AGPAT4: variants seen among roughly 807,000 people sequenced by gnomAD.
The protein encoded by AGPAT4 is 1-acyl-sn-glycerol-3-phosphate acyltransferase delta.
A neutral mutation model predicts 48.0 loss-of-function variants in AGPAT4; 15 were observed. The observed-to-expected ratio is 0.31, with a 90% CI of 0.21 to 0.48. The LOEUF is 0.48. Ranked by LOEUF, AGPAT4 falls within the 20% of genes least tolerant of loss-of-function variation. The probability of loss-of-function intolerance (pLI) is 0.99; values close to 1 mark genes in which losing one functional copy is unlikely to be tolerated. For missense variants in AGPAT4, 314 were observed against 482.5 expected (o/e 0.65, Z 3.27); for synonymous variants, 178 against 198.7 (o/e 0.90, Z 0.88).
rs1217318312 is a variant in AGPAT4, at chr6:161,272,182, G to A, written c.-90+1756C>T. Reference sequence around the variant, plus strand: ...ATAGCAGATTTGATAAGACATAGATGATAGCATATTTAGATAAGGATCACA... The same window carrying A: ...ATAGCAGATTTGATAAGACATAGATAATAGCATATTTAGATAAGGATCACA... On this transcript the variant is annotated intron_variant, in intron 1 of 8. Transcript: ENST00000320285. The surrounding 1 kb of genome is among the most constrained non-coding windows in gnomAD (Gnocchi z 4.2). Among the ~76,000 whole-genome samples, 3 of 152,186 alleles carry A rather than the reference G, an allele frequency of 2.0e-5. No homozygotes were observed. The highest frequency in any genetic ancestry group is 4.4e-5 in the Non-Finnish European group (3 of 68,030).
rs374452981 is a variant in AGPAT4 at position 161,143,859 on chromosome 6, T to C, written c.843+2665A>G. On this transcript the variant is annotated intron_variant, in intron 7 of 8. Transcript: ENST00000320285. The surrounding 1 kb of genome is among the most constrained non-coding windows in gnomAD (Gnocchi z 4.7). ...AGACCAGAATGTTGGCACACCTCTG[T>C]TGGCTGCCTGCCATTCCCCTCCCAT... 1.7e-3 allele frequency: 518 copies of C among 305,712 alleles called. 5 individuals carry two copies. Among genetic ancestry groups the C allele is most frequent in the South Asian group, 0.015 (508 of 34,566 alleles). 18.9% of individuals were successfully genotyped at this position (305,712 alleles called of 1,614,324 possible). A position where few individuals can be genotyped will look rare whatever the true frequency, so the allele number is the denominator to read the frequency against.
intron 1 of AGPAT4, among the ~76,000 whole-genome samples, chr6:161,253,416 A>G (rs4323293): frequency 0.38 from 57,641 of 149,892 alleles, 12,613 homozygotes; most frequent in African/African-American, 0.59. Context: ...CACCATGCCC[A>G]GCTAATTTTT....
chr6:161,170,392 C>T (rs1780229616), intron 2 of AGPAT4, among the ~76,000 whole-genome samples: 1 of 151,998 alleles, frequency 6.6e-6, no homozygotes, highest in Non-Finnish European at 1.5e-5. Context: ...CAAGGTTAAC[C>T]ATTATGAACA....
chr6:161,181,663 T>G (rs891616833), intron 2 of AGPAT4, among the ~76,000 whole-genome samples: 1 of 152,206 alleles, frequency 6.6e-6, no homozygotes, highest in Non-Finnish European at 1.5e-5. Flanking sequence ...CTGCAATCTC[T>G]GCAACCAGAT....
At chr6:161,237,823 C>A (rs949191869) in intron 1 of AGPAT4, among the ~76,000 whole-genome samples, 1 of 151,988 alleles carries the variant, frequency 6.6e-6, no homozygotes, top group Non-Finnish European at 1.5e-5. Flanking sequence ...TTTCCCAGCC[C>A]CCGTGAAGGT....
intron 1 of AGPAT4, among the ~76,000 whole-genome samples, chr6:161,258,903 T>C (rs966101671): frequency 6.6e-6 from 1 of 151,966 alleles, no homozygotes; most frequent in African/African-American, 2.4e-5. Flanking sequence ...TTCAAGAGAT[T>C]CTCATGCCTC....
intron 1 of AGPAT4, among the ~76,000 whole-genome samples, chr6:161,250,717 A>C (rs914671889): frequency 6.6e-6 from 1 of 152,188 alleles, no homozygotes; most frequent in Admixed American, 6.5e-5. Context: ...TTGCCAAAAT[A>C]TTTGTAGCTG....
intron 2 of AGPAT4, among the ~76,000 whole-genome samples, chr6:161,183,596 G>T (rs907278557): frequency 7.0e-6 from 1 of 143,654 alleles, no homozygotes; most frequent in Non-Finnish European, 1.5e-5. Flanking sequence ...CTCCAGCCTG[G>T]GCGACAGAGA....
In AGPAT4 at chr6:161,133,886, G is replaced by A. The variant is rs994654885; in HGVS notation, c.*2654C>T. ...GGGACAAAAAGATGGCTTAGGCTCCGTGGGTTTTCAACTCGTAGAAAAAAT... is the reference window on the plus strand; with the variant it reads ...GGGACAAAAAGATGGCTTAGGCTCCATGGGTTTTCAACTCGTAGAAAAAAT... On this transcript the variant is annotated 3_prime_UTR_variant, in exon 9 of 9. Coordinates refer to ENST00000320285, the MANE Select transcript of AGPAT4 (RefSeq NM_020133.3). The A allele has an allele frequency of 7.9e-5, 12 of 152,218 alleles. No individual in the cohort carries two copies. The highest frequency in any genetic ancestry group is 1.2e-4 in the African/African-American group (5 of 41,436). The allele number at this position is 152,218 out of a possible 1,614,324, so 9.4% of individuals were successfully genotyped here.
rs1464366232 is a variant in AGPAT4, at chr6:161,132,210, G to T, written c.*4330C>A. On this transcript the variant is annotated 3_prime_UTR_variant, in exon 9 of 9. Coordinates refer to ENST00000320285, the MANE Select transcript of AGPAT4 (RefSeq NM_020133.3). ...CATTCATCCTGGCCAAACAAAAAAAGTTCAAAAAATTGTTTTCAATTAAAT... is the reference window on the plus strand; with the variant it reads ...CATTCATCCTGGCCAAACAAAAAAATTTCAAAAAATTGTTTTCAATTAAAT... The T allele has an allele frequency of 6.6e-6, 1 of 152,138 alleles. No homozygotes were observed. 9.4% of individuals were successfully genotyped at this position (152,138 alleles called of 1,614,324 possible).
At chr6:161,247,168 G>A (rs537967670) in intron 1 of AGPAT4, among the ~76,000 whole-genome samples, 3 of 152,196 alleles carry the variant, frequency 2.0e-5, no homozygotes, top group East Asian at 1.9e-4. Flanking sequence ...CTCAGATGTC[G>A]GTTGAGGAAC....
Position 161,232,142 on chromosome 6 carries a change from T to C in AGPAT4, c.72A>G (p.Ser24=), listed in dbSNP as rs1189391483. 1.2e-6 allele frequency: 2 copies of C among 1,614,004 alleles called. No individual in the cohort carries two copies. The highest frequency in any genetic ancestry group is 1.7e-5 in the Admixed American group (1 of 59,988). The change falls in exon 2 of 9, where the codon TCA becomes TCG. Residue 24 remains serine (S), a synonymous_variant. Coordinates refer to ENST00000320285, the MANE Select transcript of AGPAT4 (RefSeq NM_020133.3). This position sits in a 1 kb window ranked among gnomAD's most constrained non-coding sequence, Gnocchi z 6.8. Reference sequence around the variant, plus strand: ...GCTGAATGGTGTTGATGATTAGCCCTGAGGCAATAAAGACGTAGCAGAAGA... The same window carrying C: ...GCTGAATGGTGTTGATGATTAGCCCCGAGGCAATAAAGACGTAGCAGAAGA... ...HLVFCYVFIA[S]GLIINTIQLF...
chr6:161,197,334 C>A lies in AGPAT4; in HGVS notation c.179-30917G>T, dbSNP rs1039093006. 6.6e-6 allele frequency among the ~76,000 whole-genome samples: 1 copy of A among 152,178 alleles called. No homozygotes were observed. Among genetic ancestry groups the A allele is most frequent in the Non-Finnish European group, 1.5e-5 (1 of 68,024 alleles). ...CCATAAAACAGTTTGGGAAATACTG[C>A]TCTAAGTGATTCTTGATGGAGTAAG... On this transcript the variant is annotated intron_variant, in intron 2 of 8. Coordinates refer to ENST00000320285, the MANE Select transcript of AGPAT4 (RefSeq NM_020133.3). This position sits in a 1 kb window ranked among gnomAD's most constrained non-coding sequence, Gnocchi z 5.7.
chr6:161,214,370 T>G lies in AGPAT4; in HGVS notation c.178+17666A>C, dbSNP rs181137775. 5.0e-4 allele frequency among the ~76,000 whole-genome samples: 76 copies of G among 152,330 alleles called. No individual in the cohort carries two copies. Among genetic ancestry groups the G allele is most frequent in the African/African-American group, 1.8e-3 (75 of 41,580 alleles). ...ATTTACTGAGGCCTGTCTCAAATTT[T>G]GGGGGTTTCAGAAGCCTGTTGCTCC... is the stretch of plus-strand genomic sequence containing the variant. On this transcript the variant is annotated intron_variant, in intron 2 of 8. Transcript: ENST00000320285. The surrounding 1 kb of genome is among the most constrained non-coding windows in gnomAD (Gnocchi z 5.4).
rs1271605241 is a variant in AGPAT4 at position 161,132,671 on chromosome 6, A to G, written c.*3869T>C. The G allele has an allele frequency of 6.6e-6, 1 of 152,292 alleles. No homozygotes were observed. The highest frequency in any genetic ancestry group is 1.5e-5 in the Non-Finnish European group (1 of 68,072). The allele number at this position is 152,292 out of a possible 1,614,324, so 9.4% of individuals were successfully genotyped here. On this transcript the variant is annotated 3_prime_UTR_variant, in exon 9 of 9. Coordinates refer to ENST00000320285, the MANE Select transcript of AGPAT4 (RefSeq NM_020133.3). ...TGGCAAAGCCAGCACATCTGTGAGCATGTTACACATGGGCTTGCCTAAGTA... is the reference window on the plus strand; with the variant it reads ...TGGCAAAGCCAGCACATCTGTGAGCGTGTTACACATGGGCTTGCCTAAGTA...
In AGPAT4 at chr6:161,198,684, A is replaced by G. The variant is rs778559086; in HGVS notation, c.179-32267T>C. 6.6e-6 allele frequency among the ~76,000 whole-genome samples: 1 copy of G among 152,148 alleles called. No homozygotes were observed. Among genetic ancestry groups the G allele is most frequent in the Non-Finnish European group, 1.5e-5 (1 of 68,036 alleles). On this transcript the variant is annotated intron_variant, in intron 2 of 8. Transcript: ENST00000320285. The surrounding 1 kb of genome is among the most constrained non-coding windows in gnomAD (Gnocchi z 4.3). ...GGTTTCCTCATCTGTCATGGTTGTT[A>G]TTAGGTTTAAATAAGCTCACATGTA...
Position 161,161,450 on chromosome 6 carries a change from G to A in AGPAT4, c.348+4798C>T. 8 of 456,718 alleles carry A rather than the reference G, an allele frequency of 1.8e-5. No homozygotes were observed. The highest frequency in any genetic ancestry group is 1.2e-4 in the South Asian group (8 of 64,572). 28.3% of individuals were successfully genotyped at this position (456,718 alleles called of 1,614,324 possible). A position where few individuals can be genotyped will look rare whatever the true frequency, so the allele number is the denominator to read the frequency against. On this transcript the variant is annotated intron_variant, in intron 3 of 8. Transcript: ENST00000320285. This position sits in a 1 kb window ranked among gnomAD's most constrained non-coding sequence, Gnocchi z 4.6. Reference sequence around the variant, plus strand: ...CCCAGTGAATGGTAAGAGGCAGAGGGTGGCGTCCCAGCCCATTCCTAGTGC... The same window carrying A: ...CCCAGTGAATGGTAAGAGGCAGAGGATGGCGTCCCAGCCCATTCCTAGTGC...
chr6:161,205,371 G>T (rs190027855), intron 2 of AGPAT4, among the ~76,000 whole-genome samples: 1 of 152,236 alleles, frequency 6.6e-6, no homozygotes, highest in Admixed American at 6.5e-5. Flanking sequence ...ATGTCCTGTG[G>T]GGGAGGTTAG....
At chr6:161,183,534 C>T (rs535867520) in intron 2 of AGPAT4, among the ~76,000 whole-genome samples, 11 of 150,046 alleles carry the variant, frequency 7.3e-5, no homozygotes, top group South Asian at 2.2e-4. Flanking sequence ...GCAGCAGAAT[C>T]GCTTGAACCC....
Sources: gnomAD v4.1 joint callset for allele counts (sites outside exome capture counted in the v4.1 genomes callset) on GRCh38, gnomAD v4.1.1 for gene constraint, Gnocchi (gnomAD v3.1) non-coding constraint, MANE v1.5 for transcripts, NCBI Gene and HGNC (gene_info 2026-07-23, HGNC 2026-07-21) for gene names.